WWOX: variants seen among roughly 807,000 people sequenced by gnomAD.
The protein encoded by WWOX is WW domain containing oxidoreductase.
In WWOX, 69 loss-of-function variants were observed where a neutral mutation model predicts 46.2. The observed-to-expected ratio is 1.49, with a 90% confidence interval of 1.23 to 1.82. The LOEUF is 1.82. Among genes scored for constraint, WWOX ranks in the 40% most tolerant of loss-of-function variants. The pLI is 0.00. For synonymous variants in WWOX, 359 were observed against 202.6 expected (o/e 1.77, Z -6.56); for missense variants, 919 against 542.6 (o/e 1.69, Z -6.89).
At chr16:79,183,579 G>C (rs1425030872) in intron 8 of WWOX, among the ~76,000 whole-genome samples, 1 of 152,150 alleles carries the variant, frequency 6.6e-6, no homozygotes, top group Non-Finnish European at 1.5e-5. Flanking sequence ...CCTCTCCAGT[G>C]CTGTGAGTAA....
intron 8 of WWOX, among the ~76,000 whole-genome samples, chr16:79,126,458 G>T (rs564593766): frequency 6.6e-6 from 1 of 152,238 alleles, no homozygotes; most frequent in South Asian, 2.1e-4. Context: ...GTTGTCATGA[G>T]ATCTGATGGC....
At chr16:78,836,853 T>A (rs921025553) in intron 8 of WWOX, among the ~76,000 whole-genome samples, 1 of 152,162 alleles carries the variant, frequency 6.6e-6, no homozygotes, top group Non-Finnish European at 1.5e-5. Context: ...ACAGAATCTC[T>A]TAGCATAGGG....
intron 4 of WWOX, among the ~76,000 whole-genome samples, chr16:78,149,918 A>G (rs887767910): frequency 6.6e-6 from 1 of 152,102 alleles, no homozygotes; most frequent in Non-Finnish European, 1.5e-5. Context: ...TCCCATGACA[A>G]ATGTGTGGAG....
intron 4 of WWOX, among the ~76,000 whole-genome samples, chr16:78,144,429 C>CTATATATATATATATACGTGTATATA (rs1300458731): frequency 1.3e-4 from 2 of 15,400 alleles, no homozygotes; most frequent in African/African-American, 2.7e-4. Context: ...TTTGCCATTA[C>CTATATATATATATATACGTGTATATA]TATATATATA....
intron 8 of WWOX, among the ~76,000 whole-genome samples, chr16:78,731,293 A>G (rs1044776741): frequency 2.6e-5 from 4 of 152,166 alleles, no homozygotes; most frequent in African/African-American, 7.2e-5. Context: ...GCACAGAGGC[A>G]CGCTCACATG....
intron 5 of WWOX, among the ~76,000 whole-genome samples, chr16:78,363,813 A>G (rs2151915419): frequency 6.6e-6 from 1 of 152,284 alleles, no homozygotes; most frequent in South Asian, 2.1e-4. Context: ...GAGGTCCTGT[A>G]GGATGAGGTT....
At chr16:78,528,527 T>C (rs1430224349) in intron 8 of WWOX, among the ~76,000 whole-genome samples, 2 of 152,184 alleles carry the variant, frequency 1.3e-5, no homozygotes, top group East Asian at 1.9e-4. Flanking sequence ...GCTGCTGTTA[T>C]CATACAAAGT....
In WWOX at chr16:78,919,392, T is replaced by A. The variant is rs1175039776; in HGVS notation, c.1057-292216T>A. ...AGTTGAGTCTAGAATTGTCTTTGTG[T>A]ATTTTGCTCCATGGTCTAGCACAGG... On this transcript the variant is annotated intron_variant, in intron 8 of 8. Coordinates refer to ENST00000566780, the MANE Select transcript of WWOX (RefSeq NM_016373.4). Among the ~76,000 whole-genome samples the A allele has an allele frequency of 4.6e-5, 7 of 152,130 alleles. No individual in the cohort carries two copies. The South Asian group carries it at 1.2e-3, about 27-fold the overall frequency.
intron 8 of WWOX, among the ~76,000 whole-genome samples, chr16:78,907,714 C>A (rs528667326): frequency 6.6e-5 from 10 of 152,286 alleles, no homozygotes; most frequent in African/African-American, 2.4e-4. Context: ...GGGTAAGTTA[C>A]TAGAGGGAGT....
intron 8 of WWOX, among the ~76,000 whole-genome samples, chr16:78,783,263 T>C (rs1389698456): frequency 6.6e-6 from 1 of 152,206 alleles, no homozygotes; most frequent in Non-Finnish European, 1.5e-5. Flanking sequence ...TTCAACAGGC[T>C]CCTGTTAAGC....
intron 5 of WWOX, among the ~76,000 whole-genome samples, chr16:78,182,066 C>T (rs1053738781): frequency 2.6e-5 from 4 of 152,190 alleles, no homozygotes; most frequent in East Asian, 1.9e-4. Flanking sequence ...GCCTAAGCAA[C>T]GCATCTGGAA....
At chr16:78,266,300 G>C (rs138136165) in intron 5 of WWOX, among the ~76,000 whole-genome samples, 2 of 152,278 alleles carry the variant, frequency 1.3e-5, no homozygotes, top group East Asian at 3.9e-4. Context: ...TGAAATTCCA[G>C]AGAGATCTGA....
chr16:78,566,970 T>A (rs2044584510), intron 8 of WWOX, among the ~76,000 whole-genome samples: 1 of 152,192 alleles, frequency 6.6e-6, no homozygotes, highest in South Asian at 2.1e-4. Flanking sequence ...CAACCACCAG[T>A]GTAATCATAG....
intron 8 of WWOX, among the ~76,000 whole-genome samples, chr16:78,635,123 A>G (rs892692791): frequency 3.3e-5 from 5 of 152,172 alleles, no homozygotes; most frequent in African/African-American, 9.7e-5. Flanking sequence ...TTTCAAATCT[A>G]AATGTGCCTA....
At position 78,872,373 on chromosome 16, in the gene WWOX, A is replaced by G. The variant is rs527632323; in HGVS notation, c.1057-339235A>G. ...ACTCAACAAAGTTATAATTAAAGCT[A>G]TTACTAACGTCATTATTATGAAAAT... On this transcript the variant is annotated intron_variant, in intron 8 of 8. Transcript: ENST00000566780. Among the ~76,000 whole-genome samples, 4 of 152,310 alleles carry G rather than the reference A, an allele frequency of 2.6e-5. No individual in the cohort carries two copies. The East Asian group carries it at 7.7e-4, about 29-fold the overall frequency.
chr16:79,025,742 G>C (rs1165989270), intron 8 of WWOX, among the ~76,000 whole-genome samples: 1 of 150,426 alleles, frequency 6.6e-6, no homozygotes, highest in East Asian at 2.0e-4. Flanking sequence ...TGGCCTTTCT[G>C]ATAATCCTTT....
In WWOX at chr16:78,398,329, G is replaced by C. The variant is rs545681849; in HGVS notation, c.605+11381G>C. Among the ~76,000 whole-genome samples the C allele has an allele frequency of 2.6e-5, 4 of 152,278 alleles. No individual in the cohort carries two copies. The South Asian group carries it at 8.3e-4, about 32-fold the overall frequency. On this transcript the variant is annotated intron_variant, in intron 6 of 8. Coordinates refer to ENST00000566780, the MANE Select transcript of WWOX (RefSeq NM_016373.4). Reference sequence around the variant, plus strand: ...CAGGCTTCTCTGCTCCGCTGCTTATGTTCTGGATCCTGACTCTGAGCCTTT... The same window carrying C: ...CAGGCTTCTCTGCTCCGCTGCTTATCTTCTGGATCCTGACTCTGAGCCTTT...
At chr16:78,860,980 T>G (rs1251088686) in intron 8 of WWOX, among the ~76,000 whole-genome samples, 1 of 152,026 alleles carries the variant, frequency 6.6e-6, no homozygotes, top group Non-Finnish European at 1.5e-5. Flanking sequence ...AACTCGCAAC[T>G]AATTTTTTGT....
chr16:79,171,092 C>T (rs946503015), intron 8 of WWOX, among the ~76,000 whole-genome samples: 2 of 152,280 alleles, frequency 1.3e-5, no homozygotes, highest in East Asian at 1.9e-4. Context: ...TATTTGCTGA[C>T]CCAGTGCTAG....
Sources: allele counts gnomAD v4.1 joint callset (sites outside exome capture counted in the v4.1 genomes callset), GRCh38; gene constraint gnomAD v4.1.1; transcripts MANE v1.5; gene names NCBI Gene and HGNC (gene_info 2026-07-23, HGNC 2026-07-21).